Variants in MCC observed in about 807,000 individuals in gnomAD.
MCC encodes colorectal mutant cancer protein.
MCC carries 90 observed loss-of-function variants against 116.2 expected under a neutral mutation model. The observed-to-expected ratio is 0.77, with a 90% CI of 0.65 to 0.92. The LOEUF (loss-of-function observed/expected upper bound fraction) is 0.92, where lower values mean the gene tolerates loss of function less well. Ranked by LOEUF, MCC falls within the 40% of genes least tolerant of loss-of-function variation. The pLI, the probability that MCC is intolerant of heterozygous loss-of-function variation, is 0.00. For missense variants in MCC, 1,516 were observed against 1,312.2 expected, an observed-to-expected ratio of 1.16 and a Z score of -2.40; for synonymous variants, 578 against 510.5, an observed-to-expected ratio of 1.13 and a Z score of -1.78.
At chr5:113,316,606 C>T (rs572144259) in intron 3 of MCC, among the ~76,000 whole-genome samples, 1 of 152,152 alleles carries the variant, frequency 6.6e-6, no homozygotes, top group Non-Finnish European at 1.5e-5. Context: ...GCAATCTCTA[C>T]CTTTAATTTA....
chr5:113,099,528 A>C (rs1756264650), intron 8 of MCC, among the ~76,000 whole-genome samples: 1 of 152,250 alleles, frequency 6.6e-6, no homozygotes, highest in Non-Finnish European at 1.5e-5. Flanking sequence ...GACATCGCCT[A>C]ACCACTTTAC....
At chr5:113,130,694 T>C (rs112961441) in intron 5 of MCC, among the ~76,000 whole-genome samples, 17 of 152,172 alleles carry the variant, frequency 1.1e-4, no homozygotes, top group African/African-American at 4.1e-4. Flanking sequence ...GAGCGAGTTG[T>C]TGAAAGAGCC....
intron 7 of MCC, 27 bp from the exon 8 acceptor site, chr5:113,101,972 T>A: frequency 6.2e-7 from 1 of 1,610,526 alleles, no homozygotes; most frequent in Non-Finnish European, 8.5e-7. Context: ...CAAAGAAAAG[T>A]CAAGTAAGTT....
intron 1 of MCC, among the ~76,000 whole-genome samples, chr5:113,441,201 G>T (rs1166926795): frequency 6.6e-6 from 1 of 152,096 alleles, no homozygotes; most frequent in Non-Finnish European, 1.5e-5. Context: ...CAGGTTTGGT[G>T]GCGGGTGCCT....
Position 113,488,305 on chromosome 5 carries a change from T to C in MCC, c.110A>G (p.Glu37Gly). 1 of 1,590,864 alleles carries C rather than the reference T, an allele frequency of 6.3e-7. No homozygotes were observed. ...CTGGAAGAGGCGCCGCATCCTCTCC[T>C]CCTCGCCGGTGCTGGACGTGTCGCT... ...SSSDTSSTGEEERMRRLFQTC... is the reference protein window; with the variant it reads ...SSSDTSSTGEGERMRRLFQTC... The change falls in exon 1 of 19, where the codon GAG (glutamate) becomes GGG (glycine). Residue 37 changes from glutamate (E) to glycine (G), a missense_variant. Glu to Gly is a moderately conservative substitution (Grantham distance 98, BLOSUM62 -2). Transcript: ENST00000408903.
Position 113,385,022 on chromosome 5 carries a change from T to C in MCC, c.361A>G (p.Lys121Glu), listed in dbSNP as rs1286408924. Residue 121 changes from lysine to glutamate, a missense_variant, in exon 2 of 19, where the codon AAG (lysine) becomes GAG (glutamate). Lys to Glu is a moderately conservative substitution (Grantham distance 56). Coordinates refer to ENST00000408903, the MANE Select transcript of MCC (RefSeq NM_001085377.2). Reference protein sequence around the residue: ...LSAKSDNSCTKKLRDRIASWP... With the variant: ...LSAKSDNSCTEKLRDRIASWP... ...GAAGCAATTCTATCCCTCAGCTTCTTTGTACAGGAGTTGTCTGACTTTGCA... is the reference window on the plus strand; with the variant it reads ...GAAGCAATTCTATCCCTCAGCTTCTCTGTACAGGAGTTGTCTGACTTTGCA... 4 of 1,614,118 alleles carry C rather than the reference T, an allele frequency of 2.5e-6. No individual in the cohort carries two copies. The Admixed American group carries it at 5.0e-5, about 20-fold the overall frequency.
chr5:113,193,244 G>A (rs984982801), intron 3 of MCC, among the ~76,000 whole-genome samples: 2 of 150,040 alleles, frequency 1.3e-5, no homozygotes, highest in Non-Finnish European at 3.0e-5. Flanking sequence ...GGCCTACCTG[G>A]ATAATACAGG....
chr5:113,363,003 G>C (rs868691806), intron 2 of MCC, among the ~76,000 whole-genome samples: 51 of 152,152 alleles, frequency 3.4e-4, no homozygotes, highest in African/African-American at 1.2e-3. Flanking sequence ...AACCTGGCCA[G>C]GTGCAGTGGC....
chr5:113,434,682 A>T lies in MCC; in HGVS notation c.171-49470T>A. 1 of 1,614,008 alleles carries T rather than the reference A, an allele frequency of 6.2e-7. No individual in the cohort carries two copies. Among genetic ancestry groups the T allele is most frequent in the South Asian group, 1.1e-5 (1 of 91,078 alleles). On this transcript the variant is annotated intron_variant, in intron 1 of 18. Coordinates refer to ENST00000408903, the MANE Select transcript of MCC (RefSeq NM_001085377.2). This position sits in a 1 kb window ranked among gnomAD's most constrained non-coding sequence, Gnocchi z 4.2. ...AATTTCCCGGGGAAGGAATTTCTCC[A>T]AGAAGTCTGCGGGGGCCTTCTTGCG...
chr5:113,391,872 A>G (rs767595505), intron 1 of MCC, among the ~76,000 whole-genome samples: 3 of 152,144 alleles, frequency 2.0e-5, no homozygotes, highest in Non-Finnish European at 4.4e-5. Flanking sequence ...GAGGTAGGGT[A>G]GGAGGGTTGT....
At chr5:113,178,214 A>G (rs748535584) in intron 3 of MCC, among the ~76,000 whole-genome samples, 10 of 152,242 alleles carry the variant, frequency 6.6e-5, no homozygotes, top group Non-Finnish European at 1.3e-4. Context: ...TCACTTAGAC[A>G]GTTAACAAAG....
chr5:113,068,372 T>C (rs1156656269), intron 12 of MCC, among the ~76,000 whole-genome samples, 189 bp from the exon 13 acceptor site: 1 of 152,232 alleles, frequency 6.6e-6, no homozygotes, highest in Non-Finnish European at 1.5e-5. Flanking sequence ...CCTTTTTATT[T>C]TTAAACCTTT....
chr5:113,462,256 T>C lies in MCC; in HGVS notation c.170+25989A>G, dbSNP rs1363850302. ...GCCATTCACCCACTTTCTACTTTTG[T>C]TTCTGGGCCTTGCCTCCTTTTAAAA... is the stretch of plus-strand genomic sequence containing the variant. On this transcript the variant is annotated intron_variant, in intron 1 of 18. Coordinates refer to ENST00000408903, the MANE Select transcript of MCC (RefSeq NM_001085377.2). 2.6e-5 allele frequency among the ~76,000 whole-genome samples: 4 copies of C among 152,214 alleles called. No homozygotes were observed. The South Asian group carries it at 6.2e-4, about 24-fold the overall frequency.
Position 113,064,124 on chromosome 5 carries a change from T to A in MCC, c.2073A>T (p.Arg691=), listed in dbSNP as rs750322605. ...GDENITQMLK[R]AHDCRKTAEN... Reference sequence around the variant, plus strand: ...CAGCTGTCTTCCGGCAGTCATGAGCTCGCTTGAGCATCTGAGTGATGTTTT... The same window carrying A: ...CAGCTGTCTTCCGGCAGTCATGAGCACGCTTGAGCATCTGAGTGATGTTTT... Residue 691 remains arginine (R), a synonymous_variant, in exon 14 of 19, where the codon CGA becomes CGT. Transcript: ENST00000408903. 2.5e-6 allele frequency: 4 copies of A among 1,613,898 alleles called. No individual in the cohort carries two copies.
rs138564163 is a variant in MCC at position 113,115,560 on chromosome 5, G to T, written c.1027+7124C>A. 1.3e-4 allele frequency among the ~76,000 whole-genome samples: 20 copies of T among 152,122 alleles called. No homozygotes were observed. In the East Asian group the frequency reaches 3.1e-3, roughly 24 times the overall value. ...TCAACTCCAGGGAGCTGTCCTCCAGGACTGCGAGCCTCTACTGACCTTGGT... is the reference window on the plus strand; with the variant it reads ...TCAACTCCAGGGAGCTGTCCTCCAGTACTGCGAGCCTCTACTGACCTTGGT... On this transcript the variant is annotated intron_variant, in intron 6 of 18. Transcript: ENST00000408903.
At chr5:113,249,612 C>A (rs1020553376) in intron 3 of MCC, among the ~76,000 whole-genome samples, 1 of 152,116 alleles carries the variant, frequency 6.6e-6, no homozygotes, top group Non-Finnish European at 1.5e-5. Context: ...TCTTGGCTCA[C>A]CCCCCAAAAA....
At chr5:113,054,033 A>C (rs1052912511) in intron 14 of MCC, 74 bp from the exon 15 acceptor site, 1 of 1,039,294 alleles carries the variant, frequency 9.6e-7, no homozygotes, top group Admixed American at 2.0e-5. Context: ...TTTCCTCCTC[A>C]CTCTTCTCCA....
intron 2 of MCC, among the ~76,000 whole-genome samples, chr5:113,361,189 C>T (rs541578719): frequency 1.7e-4 from 26 of 150,910 alleles, no homozygotes; most frequent in East Asian, 9.7e-4. Context: ...TTTTCTTTGA[C>T]GGTTATTAGT....
chr5:113,446,760 A>G (rs1455576266), intron 1 of MCC, among the ~76,000 whole-genome samples: 1 of 152,200 alleles, frequency 6.6e-6, no homozygotes, highest in Non-Finnish European at 1.5e-5. Context: ...TAGTGTACTC[A>G]CGGACATAAA....
Sources: allele counts gnomAD v4.1 joint callset (sites outside exome capture counted in the v4.1 genomes callset), GRCh38; gene constraint gnomAD v4.1.1; non-coding constraint Gnocchi (gnomAD v3.1); transcripts MANE v1.5; gene names NCBI Gene and HGNC (gene_info 2026-07-23, HGNC 2026-07-21).